Variants in PCDH9 observed in about 807,000 individuals in gnomAD.
The protein encoded by PCDH9 is protocadherin-9.
Under a neutral mutation model 70.6 loss-of-function variants are expected in PCDH9, and 24 were observed. The observed-to-expected ratio is 0.34, with a 90% CI of 0.25 to 0.48. The LOEUF (loss-of-function observed/expected upper bound fraction) is 0.48. PCDH9 is among the 20% of genes least tolerant of loss of function. The pLI is 0.99. For synonymous variants in PCDH9, 562 were observed against 558.5 expected, an observed-to-expected ratio of 1.01 and a Z score of -0.09; for missense variants, 1,281 against 1,503.6, an observed-to-expected ratio of 0.85 and a Z score of 2.45.
intron 3 of PCDH9, among the ~76,000 whole-genome samples, chr13:66,893,474 C>T (rs1317603500): frequency 2.0e-5 from 3 of 152,096 alleles, no homozygotes; most frequent in African/African-American, 4.8e-5. Context: ...TCTCTTGATG[C>T]CTTCACTTAT....
rs148340524 is a variant in PCDH9, at chr13:66,304,802, C to G, written c.3567G>C (p.Arg1189Ser). 1.2e-6 allele frequency: 2 copies of G among 1,613,392 alleles called. No homozygotes were observed. The highest frequency in any genetic ancestry group is 2.7e-5 in the African/African-American group (2 of 74,840). Residue 1189 changes from arginine (R) to serine (S), a missense_variant, in exon 5 of 5, where the codon AGG becomes AGC. Around this residue, in one of 4 missense-constraint regions of PCDH9, gnomAD observed 264 missense variants for 278.8 expected, o/e 0.95. Coordinates refer to ENST00000377865, the MANE Select transcript of PCDH9 (RefSeq NM_203487.3). ...ACTGCTTACGGTCATTGAACTGGTT[C>G]CTGTTGCTGTCTTCTTTCCAGGCTC... ...LTRAWKEDSN[R>S]NQFNDRKQYG...
intron 4 of PCDH9, among the ~76,000 whole-genome samples, chr13:66,498,590 A>G (rs1371595163): frequency 6.6e-6 from 1 of 152,180 alleles, no homozygotes; most frequent in East Asian, 1.9e-4. Context: ...TCACCTATAT[A>G]TAGTATTATA....
At chr13:66,562,216 C>A (rs1363137554) in intron 4 of PCDH9, among the ~76,000 whole-genome samples, 2 of 152,078 alleles carry the variant, frequency 1.3e-5, no homozygotes, top group Admixed American at 1.3e-4. Context: ...AAAAATCAAA[C>A]TTGTGATAAT....
intron 3 of PCDH9, among the ~76,000 whole-genome samples, chr13:66,659,601 C>T (rs565061253): frequency 1.5e-4 from 21 of 140,536 alleles, no homozygotes; most frequent in Admixed American, 1.1e-3. Flanking sequence ...CTTAATCTTT[C>T]GCAGGTTTTA....
At chr13:66,347,202 C>T (rs1276644262) in intron 4 of PCDH9, among the ~76,000 whole-genome samples, 2 of 152,058 alleles carry the variant, frequency 1.3e-5, no homozygotes, top group Non-Finnish European at 1.5e-5. Context: ...AATTGCATAC[C>T]AAGCACATTT....
At chr13:66,592,763 G>C (rs1185049180) in intron 4 of PCDH9, among the ~76,000 whole-genome samples, 1 of 151,650 alleles carries the variant, frequency 6.6e-6, no homozygotes, top group Non-Finnish European at 1.5e-5. Context: ...CAGTTCAAAA[G>C]AACAGAACAA....
intron 2 of PCDH9, among the ~76,000 whole-genome samples, chr13:66,978,102 G>T (rs1204002258): frequency 6.6e-6 from 1 of 152,128 alleles, no homozygotes; most frequent in African/African-American, 2.4e-5. Flanking sequence ...CCAGATAAGA[G>T]AAATGATGTT....
At chr13:66,394,653 A>G (rs1957072249) in intron 4 of PCDH9, among the ~76,000 whole-genome samples, 1 of 152,178 alleles carries the variant, frequency 6.6e-6, no homozygotes, top group Non-Finnish European at 1.5e-5. Flanking sequence ...AGTGGCTATC[A>G]CCTTTACAAT....
chr13:67,087,424 A>T (rs953640357), intron 2 of PCDH9, among the ~76,000 whole-genome samples: 1 of 152,186 alleles, frequency 6.6e-6, no homozygotes, highest in Non-Finnish European at 1.5e-5. Context: ...TCTAATCTAC[A>T]GAAAGGTTTA....
At chr13:66,457,289 T>C (rs543980866) in intron 4 of PCDH9, among the ~76,000 whole-genome samples, 1 of 152,220 alleles carries the variant, frequency 6.6e-6, no homozygotes, top group South Asian at 2.1e-4. Context: ...TTGTTATTTA[T>C]CCTCAAAAAC....
chr13:66,617,639 G>C (rs1481233848), intron 4 of PCDH9, among the ~76,000 whole-genome samples: 1 of 152,054 alleles, frequency 6.6e-6, no homozygotes, highest in African/African-American at 2.4e-5. Flanking sequence ...TCAGGCTTTT[G>C]GCTTTCCTCT....
intron 3 of PCDH9, among the ~76,000 whole-genome samples, chr13:66,871,161 T>C (rs1387552402): frequency 6.7e-6 from 1 of 150,338 alleles, no homozygotes; most frequent in African/African-American, 2.5e-5. Context: ...CACCGCATAT[T>C]CTCACTCATA....
At chr13:66,841,646 A>T (rs746273) in intron 3 of PCDH9, among the ~76,000 whole-genome samples, 48,257 of 152,080 alleles carry the variant, frequency 0.32, 8,073 homozygotes, top group Non-Finnish European at 0.37. Flanking sequence ...TTTGTTGGAG[A>T]TTCACTTTTG....
chr13:66,343,578 C>T (rs1956164994), intron 4 of PCDH9, among the ~76,000 whole-genome samples: 1 of 151,872 alleles, frequency 6.6e-6, no homozygotes, highest in Admixed American at 6.5e-5. Flanking sequence ...CACTTTGAAT[C>T]TCTCTGACTT....
At chr13:66,792,938 T>C (rs1485720151) in intron 3 of PCDH9, among the ~76,000 whole-genome samples, 1 of 152,056 alleles carries the variant, frequency 6.6e-6, no homozygotes, top group African/African-American at 2.4e-5. Context: ...ATCACAAAAA[T>C]AATTTAGAAA....
intron 2 of PCDH9, among the ~76,000 whole-genome samples, chr13:66,949,607 G>A (rs1348775470): frequency 2.6e-5 from 4 of 151,872 alleles, no homozygotes; most frequent in Admixed American, 6.6e-5. Context: ...TCTGCATCTC[G>A]GAGGCTTTTT....
At chr13:67,078,708 C>T (rs2085926460) in intron 2 of PCDH9, among the ~76,000 whole-genome samples, 1 of 152,096 alleles carries the variant, frequency 6.6e-6, no homozygotes, top group African/African-American at 2.4e-5. Flanking sequence ...CCCCACTGGA[C>T]TTTAAGTGCC....
At chr13:66,488,455 A>G (rs1397126174) in intron 4 of PCDH9, among the ~76,000 whole-genome samples, 1 of 152,192 alleles carries the variant, frequency 6.6e-6, no homozygotes, top group Admixed American at 6.5e-5. Context: ...AAAAAACCAA[A>G]CAACATATTA....
At chr13:66,610,158 AT>A (rs978521602) in intron 4 of PCDH9, among the ~76,000 whole-genome samples, 2 of 151,986 alleles carry the variant, frequency 1.3e-5, no homozygotes, top group African/African-American at 4.8e-5. Context: ...TGCTTTGCTT[AT>A]ATTATTACTA....
Sources: allele counts gnomAD v4.1 joint callset (sites outside exome capture counted in the v4.1 genomes callset), GRCh38; gene constraint gnomAD v4.1.1; regional missense constraint gnomAD v4.1.1; transcripts MANE v1.5; gene names NCBI Gene and HGNC (gene_info 2026-07-23, HGNC 2026-07-21).